QRICH1: variants seen among roughly 807,000 people sequenced by gnomAD.
QRICH1 encodes transcriptional regulator QRICH1.
Under a neutral mutation model 87.1 loss-of-function variants are expected in QRICH1, and 16 were observed. That is an observed-to-expected ratio of 0.18 (90% confidence interval 0.12 to 0.28). The LOEUF (loss-of-function observed/expected upper bound fraction) is 0.28, where lower values mean the gene tolerates loss of function less well. Among genes scored for constraint, QRICH1 ranks in the 10% least tolerant of loss-of-function variants. The probability of loss-of-function intolerance (pLI) is 1.00; values close to 1 mark genes in which losing one functional copy is unlikely to be tolerated. For synonymous variants in QRICH1, 367 were observed against 368.4 expected, an observed-to-expected ratio of 1.00 and a Z score of 0.05; for missense variants, 647 against 951.7, an observed-to-expected ratio of 0.68 and a Z score of 4.21.
chr3:49,050,184 G>C (rs1193341629), intron 3 of QRICH1, among the ~76,000 whole-genome samples: 1 of 148,038 alleles, frequency 6.8e-6, no homozygotes. Flanking sequence ...GGGAGGCGGA[G>C]CTTGCAGTGA....
chr3:49,062,372 C>CCTTT lies in QRICH1; in HGVS notation c.310-4483_310-4482insAAAG, dbSNP rs1428750917. On this transcript the variant is annotated intron_variant, in intron 2 of 9. Coordinates refer to ENST00000395443, the MANE Select transcript of QRICH1 (RefSeq NM_198880.3). ...AAACAAGAAAAAATTGGTGTAGTCG[C>CCTTT]TTTTTTTTTTTTTTTTGGGAGGTAA... is the stretch of plus-strand genomic sequence containing the variant. 1.2e-4 allele frequency among the ~76,000 whole-genome samples: 15 copies of CCTTT among 124,208 alleles called. No homozygotes were observed. In the East Asian group the frequency reaches 2.7e-3, roughly 23 times the overall value. 81.5% of individuals were successfully genotyped at this position (124,208 alleles called of 152,430 possible).
chr3:49,052,795 G>A (rs555510155), intron 3 of QRICH1, among the ~76,000 whole-genome samples: 4 of 152,234 alleles, frequency 2.6e-5, no homozygotes, highest in African/African-American at 7.2e-5. Flanking sequence ...GAGCCACCAC[G>A]CCTGGCCAAT....
Position 49,056,811 on chromosome 3 carries a change from C to A in QRICH1, c.1338+51G>T, listed in dbSNP as rs756757956. 1.9e-5 allele frequency: 30 copies of A among 1,613,528 alleles called. No homozygotes were observed. In the East Asian group the frequency reaches 4.7e-4, roughly 25 times the overall value. ...GTTGCGAGGCAAGCTCTGTGCTGCA[C>A]TGGGCCCTGAGGGACCAGGCTGCCT... On this transcript the variant is annotated intron_variant, in intron 3 of 9. Transcript: ENST00000395443.
At chr3:49,055,168 A>G (rs150248280) in intron 3 of QRICH1, among the ~76,000 whole-genome samples, 1 of 152,216 alleles carries the variant, frequency 6.6e-6, no homozygotes, top group Non-Finnish European at 1.5e-5. Flanking sequence ...ACCTAGGATA[A>G]TATGATACTG....
intron 1 of QRICH1, among the ~76,000 whole-genome samples, chr3:49,086,236 T>C (rs1395462797): frequency 1.3e-5 from 2 of 150,974 alleles, no homozygotes; most frequent in Non-Finnish European, 2.9e-5. Flanking sequence ...TGGTATCTCC[T>C]CTGTATCTCC....
At chr3:49,088,145 A>G (rs2042205738) in intron 1 of QRICH1, among the ~76,000 whole-genome samples, 1 of 151,270 alleles carries the variant, frequency 6.6e-6, no homozygotes, top group African/African-American at 2.4e-5. Context: ...AGTAGAGAGA[A>G]AGTTTCACCG....
In QRICH1 at chr3:49,063,881, TAAA is replaced by T. The variant is rs2093450213; in HGVS notation, c.310-5994_310-5992del. 3.3e-5 allele frequency among the ~76,000 whole-genome samples: 5 copies of T among 152,312 alleles called. No individual in the cohort carries two copies. The South Asian group carries it at 8.3e-4, about 25-fold the overall frequency. On this transcript the variant is annotated intron_variant, in intron 2 of 9. Coordinates refer to ENST00000395443, the MANE Select transcript of QRICH1 (RefSeq NM_198880.3). ...TATCTAGTAATATTTACTTGTACTC[TAAA>T]TTAAAACTAGGAATTTAATTTTTTA...
rs753806387 is a variant in QRICH1 at position 49,076,771 on chromosome 3, T to C, written c.247A>G (p.Ser83Gly). ...TCTTGCTGGGTTTGTGGCTGAACAC[T>C]GGTGGTGACTGGACAGGCAAGTTCA... ...LLELACPVTT[S>G]VQPQTQQEQQ... Residue 83 changes from serine (S) to glycine (G), a missense_variant, in exon 2 of 10, where the codon AGT becomes GGT. Physicochemically the swap from Ser to Gly is moderately conservative, Grantham distance 56. Around this residue, in one of 7 missense-constraint regions of QRICH1, gnomAD observed 56 missense variants for 109.6 expected, o/e 0.51. Transcript: ENST00000395443. 6.2e-7 allele frequency: 1 copy of C among 1,610,296 alleles called. No homozygotes were observed. Among genetic ancestry groups the C allele is most frequent in the Non-Finnish European group, 8.5e-7 (1 of 1,177,620 alleles).
At chr3:49,073,456 T>C (rs7621347) in intron 2 of QRICH1, among the ~76,000 whole-genome samples, 126,940 of 150,668 alleles carry the variant, frequency 0.84, 54,122 homozygotes, top group East Asian at 1. Flanking sequence ...AGGAGAATCG[T>C]TTGAACCCAG....
At chr3:49,045,916 CT>C (rs920814553) in intron 5 of QRICH1, among the ~76,000 whole-genome samples, 14 of 145,558 alleles carry the variant, frequency 9.6e-5, no homozygotes, top group Admixed American at 1.4e-4. Context: ...CTTTTCTTTT[CT>C]TTTTTTTTTA....
At chr3:49,032,890 G>A (rs2093250642) in intron 7 of QRICH1, 117 bp from the exon 8 acceptor site, 14 of 1,295,858 alleles carry the variant, frequency 1.1e-5, no homozygotes, top group Non-Finnish European at 1.5e-5. Context: ...GATCTGGGCA[G>A]GCCCGTACCC....
At chr3:49,066,986 C>T (rs1448927879) in intron 2 of QRICH1, among the ~76,000 whole-genome samples, 1 of 151,358 alleles carries the variant, frequency 6.6e-6, no homozygotes, top group Admixed American at 6.6e-5. Flanking sequence ...TGCAGTGAGC[C>T]GAGAACATGG....
intron 6 of QRICH1, 123 bp from the exon 7 acceptor site, chr3:49,033,351 A>T: frequency 4.0e-6 from 2 of 500,780 alleles, no homozygotes; most frequent in Non-Finnish European, 6.5e-6. Flanking sequence ...GACTCTCCCT[A>T]AAGTGTGGCA....
chr3:49,061,851 C>CA (rs1404448758), intron 2 of QRICH1, among the ~76,000 whole-genome samples: 2 of 151,114 alleles, frequency 1.3e-5, no homozygotes, highest in Admixed American at 6.6e-5. Flanking sequence ...AACTATCTCC[C>CA]AAAAAAAAGA....
At chr3:49,081,374 A>G (rs2042056180) in intron 1 of QRICH1, among the ~76,000 whole-genome samples, 1 of 151,544 alleles carries the variant, frequency 6.6e-6, no homozygotes, top group Non-Finnish European at 1.5e-5. Context: ...CCGAGACTGC[A>G]CCACTGCCCT....
rs981638096 is a variant in QRICH1 at position 49,030,334 on chromosome 3, A to G, written c.*118T>C. On this transcript the variant is annotated 3_prime_UTR_variant, in exon 10 of 10. Coordinates refer to ENST00000395443, the MANE Select transcript of QRICH1 (RefSeq NM_198880.3). The stretch of plus-strand genomic sequence containing the variant: ...TATATTTTAAACAGAAGCAGCCTGA[A>G]AGGCTTCGTAACTACACCAATAAAA... 1.6e-5 allele frequency: 16 copies of G among 972,022 alleles called. No individual in the cohort carries two copies. The highest frequency in any genetic ancestry group is 6.0e-5 in the Admixed American group (2 of 33,124). The allele number at this position is 972,022 out of a possible 1,614,324, so 60.2% of individuals were successfully genotyped here.
chr3:49,048,874 T>C (rs537723236), intron 3 of QRICH1, among the ~76,000 whole-genome samples: 34 of 150,298 alleles, frequency 2.3e-4, no homozygotes, highest in African/African-American at 8.3e-4. Context: ...AGGCACATTG[T>C]CAGTATTTTT....
At chr3:49,088,001 G>A (rs552314862) in intron 1 of QRICH1, among the ~76,000 whole-genome samples, 5 of 150,144 alleles carry the variant, frequency 3.3e-5, no homozygotes, top group Admixed American at 6.7e-5. Context: ...ACCCAGGCTG[G>A]AATGCAGTGG....
intron 6 of QRICH1, among the ~76,000 whole-genome samples, chr3:49,043,265 G>A (rs767431758): frequency 5.3e-5 from 8 of 151,888 alleles, no homozygotes; most frequent in Non-Finnish European, 1.2e-4. Context: ...GGAGGCCGAG[G>A]TGGGCGGATC....
Sources: gnomAD v4.1 joint callset for allele counts (sites outside exome capture counted in the v4.1 genomes callset) on GRCh38, gnomAD v4.1.1 for gene constraint, gnomAD v4.1.1 regional missense constraint, MANE v1.5 for transcripts, NCBI Gene and HGNC (gene_info 2026-07-23, HGNC 2026-07-21) for gene names.